The following CACNA1A variants were observed in gnomAD, a reference collection of about 807,000 sequenced individuals.
CACNA1A encodes the protein calcium voltage-gated channel subunit alpha1 A.
Under a neutral mutation model 262.4 loss-of-function variants are expected in CACNA1A, and 57 were observed. The ratio of observed to expected loss-of-function variants is 0.22; its 90% CI spans 0.18 to 0.27. The LOEUF (loss-of-function observed/expected upper bound fraction) is 0.27. CACNA1A is among the 10% of genes least tolerant of loss of function. CACNA1A has a pLI of 1.00. For synonymous variants in CACNA1A, 1,431 were observed against 1,419.3 expected, an observed-to-expected ratio of 1.01 and a Z score of -0.18; for missense variants, 2,526 against 3,562.8, an observed-to-expected ratio of 0.71 and a Z score of 7.41.
At chr19:13,405,661 C>A (rs2059990872) in intron 3 of CACNA1A, among the ~76,000 whole-genome samples, 2 of 152,158 alleles carry the variant, frequency 1.3e-5, no homozygotes, top group Admixed American at 6.5e-5. Flanking sequence ...CCCCATTGAA[C>A]AGATGAAACA....
Position 13,453,013 on chromosome 19 carries a change from A to T in CACNA1A, c.402T>A (p.Asp134Glu). The T allele has an allele frequency of 6.2e-7, 1 of 1,613,962 alleles. No individual in the cohort carries two copies. ...TTCCAATGAAGTATGGTTCTGTGTC[A>T]TCCTGGAAGGGAGAGAAGGCAAGGT... ...DDKTPMSERL[D>E]DTEPYFIGIF... Residue 134 changes from aspartate (D) to glutamate (E), a missense_variant and splice_region_variant, in exon 3 of 47, where the codon GAT (aspartate) becomes GAA (glutamate). Physicochemically the swap from Asp to Glu is conservative, Grantham distance 45. This residue lies in a region of CACNA1A where 77 missense variants were observed against 228.4 expected (regional missense o/e 0.34). Transcript: ENST00000360228.
rs377561306 is a variant in CACNA1A, at chr19:13,236,906, G to A, written c.4951-1176C>T. On this transcript the variant is annotated intron_variant, in intron 31 of 46. Coordinates refer to ENST00000360228, the MANE Select transcript of CACNA1A (RefSeq NM_001127222.2). This position sits in a 1 kb window ranked among gnomAD's most constrained non-coding sequence, Gnocchi z 4.6. ...GCTTCAAGGGACCTTGGTGGGGGGGGTGGGACTCTCGAAGTCACGAGTGGG... is the reference window on the plus strand; with the variant it reads ...GCTTCAAGGGACCTTGGTGGGGGGGATGGGACTCTCGAAGTCACGAGTGGG... Among the ~76,000 whole-genome samples, 1 of 152,186 alleles carries A rather than the reference G, an allele frequency of 6.6e-6. No individual in the cohort carries two copies. The highest frequency in any genetic ancestry group is 6.5e-5 in the Admixed American group (1 of 15,276).
intron 3 of CACNA1A, among the ~76,000 whole-genome samples, chr19:13,383,474 C>T (rs1292260797): frequency 6.6e-6 from 1 of 152,202 alleles, no homozygotes; most frequent in Non-Finnish European, 1.5e-5. Context: ...CTTCCAATGG[C>T]TTCCATCAGG....
intron 3 of CACNA1A, chr19:13,450,521 A>G (rs996205263): frequency 2.0e-5 from 3 of 152,208 alleles, no homozygotes; most frequent in African/African-American, 7.3e-5. Flanking sequence ...AGATTCATTC[A>G]TCAATTGTGT....
chr19:13,467,554 C>T (rs1452738818), intron 1 of CACNA1A, among the ~76,000 whole-genome samples: 1 of 151,748 alleles, frequency 6.6e-6, no homozygotes, highest in East Asian at 1.9e-4. Context: ...GCATAAATTC[C>T]AAGATGTGAA....
intron 1 of CACNA1A, among the ~76,000 whole-genome samples, chr19:13,464,526 A>C (rs2061185431): frequency 6.7e-6 from 1 of 148,916 alleles, no homozygotes; most frequent in African/African-American, 2.5e-5. Flanking sequence ...TGCTGCTAAT[A>C]GTAAATAACT....
rs931045457 is a variant in CACNA1A, at chr19:13,234,309, C to T, written c.5249+612G>A. 1.4e-4 allele frequency among the ~76,000 whole-genome samples: 20 copies of T among 142,060 alleles called. No homozygotes were observed. In the East Asian group the frequency reaches 4.2e-3, roughly 30 times the overall value. 93.2% of individuals were successfully genotyped at this position (142,060 alleles called of 152,430 possible). A position where few individuals can be genotyped will look rare whatever the true frequency, so the allele number is the denominator to read the frequency against. On this transcript the variant is annotated intron_variant, in intron 34 of 46. Coordinates refer to ENST00000360228, the MANE Select transcript of CACNA1A (RefSeq NM_001127222.2). ...AGCTTGCAGTGAGCCGAGATCGCGC[C>T]ACTGTACTCCAGCCTGGGGAACAGA...
At chr19:13,331,518 T>C (rs745878421) in intron 9 of CACNA1A, among the ~76,000 whole-genome samples, 2 of 152,186 alleles carry the variant, frequency 1.3e-5, no homozygotes, top group Non-Finnish European at 2.9e-5. Context: ...ATTACAGGCA[T>C]GAGCCACCAC....
At chr19:13,362,089 T>A (rs184829021) in intron 5 of CACNA1A, 74 of 147,638 alleles carry the variant, frequency 5.0e-4, no homozygotes, top group African/African-American at 1.7e-3. Context: ...GGCACCATCA[T>A]AGCTTACTGC....
At chr19:13,402,499 G>A (rs1259091377) in intron 3 of CACNA1A, among the ~76,000 whole-genome samples, 1 of 151,434 alleles carries the variant, frequency 6.6e-6, no homozygotes, top group East Asian at 1.9e-4. Context: ...ACTTACTCAT[G>A]CAACCAAATA....
rs1057486065 is a variant in CACNA1A at position 13,330,462 on chromosome 19, A to C, written c.1256-129T>G. 16 of 719,362 alleles carry C rather than the reference A, an allele frequency of 2.2e-5. No homozygotes were observed. In the African/African-American group the frequency reaches 2.6e-4, roughly 12 times the overall value. The allele number at this position is 719,362 out of a possible 1,614,324, so 44.6% of individuals were successfully genotyped here. A position where few individuals can be genotyped will look rare whatever the true frequency, so the allele number is the denominator to read the frequency against. On this transcript the variant is annotated intron_variant, in intron 9 of 46. Transcript: ENST00000360228. ...TCTCACGGGAACTAATAGTATACCC[A>C]TTTTTCAGATGTGTAAACTGAGGTT...
chr19:13,230,264 T>C lies in CACNA1A; in HGVS notation c.5401-55A>G, dbSNP rs1332575099. 25 of 1,590,252 alleles carry C rather than the reference T, an allele frequency of 1.6e-5. No homozygotes were observed. In the Admixed American group the frequency reaches 4.2e-4, roughly 27 times the overall value. Reference sequence around the variant, plus strand: ...TGGGGGCAGAGACCGAGGGAATGAATGAGTGAGTGAGAAGGATACAGACAG... The same window carrying C: ...TGGGGGCAGAGACCGAGGGAATGAACGAGTGAGTGAGAAGGATACAGACAG... On this transcript the variant is annotated intron_variant, in intron 35 of 46. Transcript: ENST00000360228.
chr19:13,372,458 CA>C (rs2059341057), intron 3 of CACNA1A, among the ~76,000 whole-genome samples: 1 of 152,154 alleles, frequency 6.6e-6, no homozygotes, highest in Non-Finnish European at 1.5e-5. Context: ...AGGCGTGAGC[CA>C]TGGTGCCTGG....
chr19:13,333,361 G>A (rs540824344), intron 8 of CACNA1A, among the ~76,000 whole-genome samples: 2 of 151,860 alleles, frequency 1.3e-5, no homozygotes, highest in Non-Finnish European at 2.9e-5. Flanking sequence ...CCTTCTTCAC[G>A]TCCTTCAGGT....
At chr19:13,447,447 C>T (rs552009401) in intron 3 of CACNA1A, among the ~76,000 whole-genome samples, 1 of 152,310 alleles carries the variant, frequency 6.6e-6, no homozygotes, top group South Asian at 2.1e-4. Flanking sequence ...TTAATGATCA[C>T]TTATTGGGAC....
chr19:13,285,167 T>C lies in CACNA1A; in HGVS notation c.3593A>G (p.Glu1198Gly), dbSNP rs371264875. 1 of 1,613,976 alleles carries C rather than the reference T, an allele frequency of 6.2e-7. No individual in the cohort carries two copies. Among genetic ancestry groups the C allele is most frequent in the Admixed American group, 1.7e-5 (1 of 60,018 alleles). The stretch of plus-strand genomic sequence containing the variant: ...TTCCTCCTCCTCCTTCTTCTCTTCC[T>C]CTTTTTTTGGCAGTGGGTCTGGGTT... ...NANPDPLPKK[E>G]EEKKEEEEDD... Residue 1198 changes from glutamate to glycine, a missense_variant, in exon 21 of 47, where the codon GAG (glutamate) becomes GGG (glycine). Coordinates refer to ENST00000360228, the MANE Select transcript of CACNA1A (RefSeq NM_001127222.2).
At chr19:13,501,322 C>A (rs1982351393) in intron 1 of CACNA1A, among the ~76,000 whole-genome samples, 1 of 151,714 alleles carries the variant, frequency 6.6e-6, no homozygotes, top group Non-Finnish European at 1.5e-5. Flanking sequence ...ATTATAGACG[C>A]ACAATACCAC....
At position 13,470,750 on chromosome 19, in the gene CACNA1A, G is replaced by A. The variant is rs149092564; in HGVS notation, c.294-15538C>T. ...CCTTCTGGGTTGGCTTGGCCAACGG[G>A]AGGCACCAGCAAGAGATCAGAGAGG... On this transcript the variant is annotated intron_variant, in intron 1 of 46. Transcript: ENST00000360228. 2.2e-3 allele frequency among the ~76,000 whole-genome samples: 336 copies of A among 152,290 alleles called. 2 individuals carry two copies. The highest frequency in any genetic ancestry group is 7.6e-3 in the African/African-American group (314 of 41,574).
chr19:13,229,291 A>T (rs2055582813), intron 36 of CACNA1A, among the ~76,000 whole-genome samples: 1 of 152,106 alleles, frequency 6.6e-6, no homozygotes, highest in South Asian at 2.1e-4. Context: ...CCAGAGGAAG[A>T]TGGGGCTTAG....
Sources: allele counts gnomAD v4.1 joint callset (sites outside exome capture counted in the v4.1 genomes callset), GRCh38; gene constraint gnomAD v4.1.1; regional missense constraint gnomAD v4.1.1; non-coding constraint Gnocchi (gnomAD v3.1); transcripts MANE v1.5; gene names NCBI Gene and HGNC (gene_info 2026-07-23, HGNC 2026-07-21).